Variants in TJAP1 observed in about 807,000 individuals in gnomAD.
The protein encoded by TJAP1 is tight junction-associated protein 1.
Under a neutral mutation model 42.0 loss-of-function variants are expected in TJAP1, and 27 were observed. The observed-to-expected ratio is 0.64, with a 90% CI of 0.47 to 0.89. The LOEUF (loss-of-function observed/expected upper bound fraction) is 0.89. TJAP1 is among the 40% of genes least tolerant of loss of function. The pLI is 0.00. For missense variants in TJAP1, 712 were observed against 726.9 expected, an observed-to-expected ratio of 0.98 and a Z score of 0.24; for synonymous variants, 257 against 288.4, an observed-to-expected ratio of 0.89 and a Z score of 1.10.
rs546062619 is a variant in TJAP1, at chr6:43,492,758, G to A, written c.-121-5123G>A. On this transcript the variant is annotated intron_variant, in intron 2 of 10. Coordinates refer to ENST00000372449, the Ensembl canonical transcript of TJAP1. This position sits in a 1 kb window ranked among gnomAD's most constrained non-coding sequence, Gnocchi z 4.2. ...CAGGTCACCTGGTTCCAGGGCTTAC[G>A]CTTGCAGGGTGACCATTTGTGTTCC... Among the ~76,000 whole-genome samples the A allele has an allele frequency of 4.6e-5, 7 of 152,304 alleles. No homozygotes were observed. The highest frequency in any genetic ancestry group is 3.9e-4 in the Admixed American group (6 of 15,304).
chr6:43,505,875 G>A lies in TJAP1; in HGVS notation c.*20G>A. On this transcript the variant is annotated 3_prime_UTR_variant, in exon 11 of 11. Transcript: ENST00000372449. The surrounding 1 kb of genome is among the most constrained non-coding windows in gnomAD (Gnocchi z 5.5). ...AACTAGGGCCCCTGCTGGCCTTCCT[G>A]CCATTGCTGCACCAGGACTGCAAGG... The A allele has an allele frequency of 3.5e-6, 5 of 1,439,466 alleles. No individual in the cohort carries two copies. The South Asian group carries it at 7.5e-5, about 22-fold the overall frequency. The allele number at this position is 1,439,466 out of a possible 1,614,324, so 89.2% of individuals were successfully genotyped here.
At chr6:43,501,927 A>ACACTCTCTCT (rs1427610297) in intron 6 of TJAP1, among the ~76,000 whole-genome samples, 1 of 71,588 alleles carries the variant, frequency 1.4e-5, no homozygotes, top group Non-Finnish European at 2.5e-5. Flanking sequence ...ACACACACAC[A>ACACTCTCTCT]CTCTCTCTCT....
exon 9 of TJAP1, chr6:43,503,423 G>T: frequency 6.2e-7 from 1 of 1,613,952 alleles, no homozygotes; most frequent in Non-Finnish European, 8.5e-7. Flanking sequence ...GAGATGGATA[G>T]GAAGACGCTG....
At chr6:43,485,007 C>T (rs553505568) in intron 2 of TJAP1, among the ~76,000 whole-genome samples, 178 of 152,268 alleles carry the variant, frequency 1.2e-3, no homozygotes, top group South Asian at 2.7e-3. Flanking sequence ...GGATTACAGG[C>T]GTGAGCCACC....
At chr6:43,500,798 G>A in intron 5 of TJAP1, 26 bp downstream of exon 5, 1 of 1,613,120 alleles carries the variant, frequency 6.2e-7, no homozygotes, top group East Asian at 2.2e-5. Context: ...CTGAGATACT[G>A]CCCTGCCTCA....
chr6:43,487,275 C>T (rs1456038693), intron 2 of TJAP1, among the ~76,000 whole-genome samples: 1 of 152,156 alleles, frequency 6.6e-6, no homozygotes, highest in Non-Finnish European at 1.5e-5. Flanking sequence ...TCCTAGACCC[C>T]AAAACCCTGG....
chr6:43,505,434 T>C lies in TJAP1; in HGVS notation c.1253T>C (p.Phe418Ser), dbSNP rs1417639732. The stretch of plus-strand genomic sequence containing the variant: ...CTGCTGGTCAGCTGGCAGCGGGCAT[T>C]TGTGGACCGTACTCCACCACCTGCT... The change falls in exon 11 of 11, where the codon TTT (phenylalanine) becomes TCT (serine). Residue 418 changes from phenylalanine (F) to serine (S), a missense_variant. This residue lies in a region of TJAP1 where 549 missense variants were observed against 528.2 expected (regional missense o/e 1.04). Transcript: ENST00000372449. The surrounding 1 kb of genome is among the most constrained non-coding windows in gnomAD (Gnocchi z 5.5). 1 of 1,613,048 alleles carries C rather than the reference T, an allele frequency of 6.2e-7. No homozygotes were observed. The highest frequency in any genetic ancestry group is 1.1e-5 in the South Asian group (1 of 91,076).
intron 2 of TJAP1, chr6:43,478,754 G>GCCACA (rs1784726552): frequency 6.6e-6 from 1 of 152,196 alleles, no homozygotes; most frequent in African/African-American, 2.4e-5. Flanking sequence ...CTGGGGATGT[G>GCCACA]GATTTTGGTG....
At chr6:43,479,975 GA>G (rs1218168531) in intron 2 of TJAP1, among the ~76,000 whole-genome samples, 2 of 149,710 alleles carry the variant, frequency 1.3e-5, no homozygotes, top group African/African-American at 4.9e-5. Flanking sequence ...TCCATCTCAA[GA>G]AAAAAAGCGT....
intron 2 of TJAP1, among the ~76,000 whole-genome samples, chr6:43,478,493 T>C (rs2127442675): frequency 6.6e-6 from 1 of 152,340 alleles, no homozygotes; most frequent in Admixed American, 6.5e-5. Context: ...CGAAGGATGT[T>C]AACACATCCC....
chr6:43,500,382 G>C (rs1223504755), intron 4 of TJAP1, among the ~76,000 whole-genome samples: 1 of 152,208 alleles, frequency 6.6e-6, no homozygotes, highest in East Asian at 1.9e-4. Flanking sequence ...TTTTCTGGAA[G>C]GTCTCTGCCA....
intron 2 of TJAP1, among the ~76,000 whole-genome samples, chr6:43,493,741 G>T (rs1020529710): frequency 6.6e-6 from 1 of 152,104 alleles, no homozygotes; most frequent in Non-Finnish European, 1.5e-5. Flanking sequence ...ATGGGTGCTT[G>T]CTGGGAACGG....
At chr6:43,504,979 G>A (rs927657580) in exon 11 of TJAP1, 9 of 1,614,110 alleles carry the variant, frequency 5.6e-6, no homozygotes, top group Non-Finnish European at 5.1e-6. Flanking sequence ...ATGTGGACAT[G>A]AGTGAGGGTG....
chr6:43,485,665 C>T (rs1438778103), intron 2 of TJAP1, among the ~76,000 whole-genome samples: 1 of 152,190 alleles, frequency 6.6e-6, no homozygotes, highest in Admixed American at 6.5e-5. Flanking sequence ...GTAAGATCTT[C>T]TGTCTCTGAA....
intron 10 of TJAP1, chr6:43,503,997 G>C (rs781665826): frequency 1.6e-6 from 1 of 620,630 alleles, no homozygotes; most frequent in Non-Finnish European, 3.1e-6. Flanking sequence ...TGCCCAAAGA[G>C]TACTAAGAGA....
intron 4 of TJAP1, among the ~76,000 whole-genome samples, chr6:43,499,393 G>A (rs756517581): frequency 9.2e-5 from 14 of 152,220 alleles, no homozygotes; most frequent in Non-Finnish European, 1.5e-4. Context: ...GTAGACTGAG[G>A]GGTCCTAATC....
rs1285336167 is a variant in TJAP1, at chr6:43,492,932, A to G, written c.-121-4949A>G. 1.3e-5 allele frequency among the ~76,000 whole-genome samples: 2 copies of G among 152,194 alleles called. No homozygotes were observed. Among genetic ancestry groups the G allele is most frequent in the Non-Finnish European group, 2.9e-5 (2 of 68,032 alleles). On this transcript the variant is annotated intron_variant, in intron 2 of 10. Coordinates refer to ENST00000372449, the Ensembl canonical transcript of TJAP1. This position sits in a 1 kb window ranked among gnomAD's most constrained non-coding sequence, Gnocchi z 4.2. ...ACTCCACATCCAGCACTTACAGCTCAGGACAGTTCCTGAGGGGGAGGCCCC... is the reference window on the plus strand; with the variant it reads ...ACTCCACATCCAGCACTTACAGCTCGGGACAGTTCCTGAGGGGGAGGCCCC...
rs1792006743 is a variant in TJAP1 at position 43,505,136 on chromosome 6, C to T, written c.955C>T (p.Pro319Ser). Residue 319 changes from proline (P) to serine (S), a missense_variant, in exon 11 of 11, where the codon CCG becomes TCG. Pro to Ser is a moderately conservative substitution (Grantham distance 74). Around this residue, in one of 3 missense-constraint regions of TJAP1, gnomAD observed 549 missense variants for 528.2 expected, o/e 1.04. Transcript: ENST00000372449. The surrounding 1 kb of genome is among the most constrained non-coding windows in gnomAD (Gnocchi z 5.5). ...TGAGAAGCTGAACCCCTACCCAACCCCGTCTCCACCACACCCACTGTATCC... is the reference window on the plus strand; with the variant it reads ...TGAGAAGCTGAACCCCTACCCAACCTCGTCTCCACCACACCCACTGTATCC... 1 of 1,614,082 alleles carries T rather than the reference C, an allele frequency of 6.2e-7. No homozygotes were observed. The highest frequency in any genetic ancestry group is 1.3e-5 in the African/African-American group (1 of 74,926).
In TJAP1 at chr6:43,501,541, G is replaced by C. The variant is rs371853334; in HGVS notation, c.144G>C (p.Glu48Asp). Reference sequence around the variant, plus strand: ...ACCCTGCCAGGCTCTTACAGGAGGAGAATGAAGAGCTTCGCCGGCGCCTGG... The same window carrying C: ...ACCCTGCCAGGCTCTTACAGGAGGACAATGAAGAGCTTCGCCGGCGCCTGG... Residue 48 changes from glutamate (E) to aspartate (D), a missense_variant, in exon 6 of 11, where the codon GAG (glutamate) becomes GAC (aspartate). Glu to Asp is a conservative substitution (Grantham distance 45). Transcript: ENST00000372449. 1.9e-6 allele frequency: 3 copies of C among 1,613,660 alleles called. No individual in the cohort carries two copies. In the South Asian group the frequency reaches 3.3e-5, roughly 18 times the overall value.
Sources: allele counts gnomAD v4.1 joint callset (sites outside exome capture counted in the v4.1 genomes callset), GRCh38; gene constraint gnomAD v4.1.1; regional missense constraint gnomAD v4.1.1; non-coding constraint Gnocchi (gnomAD v3.1); transcripts MANE v1.5; gene names NCBI Gene and HGNC (gene_info 2026-07-23, HGNC 2026-07-21).